The following GFI1B variants were observed in gnomAD, a reference collection of about 807,000 sequenced individuals.
The protein encoded by GFI1B is zinc finger protein Gfi-1b.
GFI1B carries 20 observed loss-of-function variants against 35.3 expected under a neutral mutation model. The observed-to-expected ratio is 0.57, with a 90% CI of 0.40 to 0.82. The LOEUF is 0.82. Ranked by LOEUF, GFI1B falls within the 40% of genes least tolerant of loss-of-function variation. The pLI, the probability that GFI1B is intolerant of heterozygous loss-of-function variation, is 0.00. For synonymous variants in GFI1B, 178 were observed against 177.6 expected, an observed-to-expected ratio of 1.00 and a Z score of -0.02; for missense variants, 430 against 446.3, an observed-to-expected ratio of 0.96 and a Z score of 0.33.
At chr9:132,967,278 G>T (rs1275884753) in intron 1 of GFI1B, among the ~76,000 whole-genome samples, 2 of 152,216 alleles carry the variant, frequency 1.3e-5, no homozygotes, top group Non-Finnish European at 2.9e-5. Flanking sequence ...AAGTGACCCA[G>T]TCTGTGGCAT....
chr9:132,949,719 C>G (rs998081213), intron 1 of GFI1B: 15 of 152,794 alleles, frequency 9.8e-5, no homozygotes, highest in African/African-American at 3.4e-4. Context: ...AGGAAGCCGG[C>G]ATGCCCAAAC....
intron 3 of GFI1B, among the ~76,000 whole-genome samples, 191 bp from the exon 4 acceptor site, chr9:132,988,006 G>A (rs1212100014): frequency 6.6e-6 from 1 of 152,062 alleles, no homozygotes; most frequent in East Asian, 1.9e-4. Context: ...CACCACGCCT[G>A]GCTAATTTTT....
intron 1 of GFI1B, chr9:132,962,405 C>T (rs2905079): frequency 0.56 from 168,429 of 298,752 alleles, 49,125 homozygotes; most frequent in African/African-American, 0.77. Context: ...TTCCAGAGTG[C>T]GGGATTACAA....
chr9:132,991,054 T>C lies in GFI1B; in HGVS notation c.*4T>C, dbSNP rs1390345939. 6 of 1,612,484 alleles carry C rather than the reference T, an allele frequency of 3.7e-6. No individual in the cohort carries two copies. The Admixed American group carries it at 1.0e-4, about 27-fold the overall frequency. On this transcript the variant is annotated 3_prime_UTR_variant, in exon 7 of 7. Coordinates refer to ENST00000372122, the MANE Select transcript of GFI1B (RefSeq NM_001377304.1). ...GAGCCAGCACAATCTCAAGTGAGGCTGCGCCGGCTCCCAGCTCCTGGCCAG... is the reference window on the plus strand; with the variant it reads ...GAGCCAGCACAATCTCAAGTGAGGCCGCGCCGGCTCCCAGCTCCTGGCCAG...
intron 1 of GFI1B, among the ~76,000 whole-genome samples, chr9:132,961,591 ATTTTTTTTT>A (rs1171494542): frequency 1.5e-5 from 2 of 135,180 alleles, no homozygotes; most frequent in Non-Finnish European, 3.2e-5. Context: ...AATACCTCTC[ATTTTTTTTT>A]TTTTTTTTTG....
intron 1 of GFI1B, among the ~76,000 whole-genome samples, chr9:132,971,381 G>A (rs532197732): frequency 1.3e-5 from 2 of 152,170 alleles, no homozygotes; most frequent in South Asian, 2.1e-4. Flanking sequence ...CAGCCATCTC[G>A]AGAAGTGGAT....
At chr9:132,965,992 A>T (rs1156659826) in intron 1 of GFI1B, among the ~76,000 whole-genome samples, 1 of 152,364 alleles carries the variant, frequency 6.6e-6, no homozygotes, top group East Asian at 1.9e-4. Context: ...CCTGGAACTT[A>T]AAATTAAATT....
intron 1 of GFI1B, among the ~76,000 whole-genome samples, chr9:132,983,467 T>A (rs113828733): frequency 0.011 from 1,718 of 152,220 alleles, 35 homozygotes; most frequent in African/African-American, 0.038. Flanking sequence ...AATGTTGGGA[T>A]TACAGGTGTG....
chr9:132,948,046 G>A lies in GFI1B; in HGVS notation c.-701+2377G>A, dbSNP rs142914154. Among the ~76,000 whole-genome samples the A allele has an allele frequency of 4.6e-3, 702 of 152,232 alleles. 7 individuals are homozygous for A. Among genetic ancestry groups the A allele is most frequent in the African/African-American group, 0.016 (667 of 41,528 alleles). ...TTGCGTGCCTATTAAGCTAGGTTAC[G>A]GTTCGTCCACAAGGACTCAAATATA... On this transcript the variant is annotated intron_variant, in intron 1 of 10. Transcript: ENST00000339463.
upstream of GFI1B, among the ~76,000 whole-genome samples, chr9:132,974,668 A>G (rs1330567224): frequency 6.6e-6 from 1 of 151,394 alleles, no homozygotes; most frequent in Non-Finnish European, 1.5e-5. Flanking sequence ...AATGCTAAGA[A>G]GAAAGGGGTG....
chr9:132,947,431 GAAAGAA>G (rs1333041098), intron 1 of GFI1B, among the ~76,000 whole-genome samples: 7 of 80,924 alleles, frequency 8.7e-5, no homozygotes, highest in Non-Finnish European at 1.7e-4. Context: ...AAAAAAAAAA[GAAAGAA>G]AAAGAGAATT....
At chr9:132,954,920 TG>T in intron 1 of GFI1B, among the ~76,000 whole-genome samples, 1 of 152,182 alleles carries the variant, frequency 6.6e-6, no homozygotes, top group Admixed American at 6.5e-5. Context: ...AGTTTCACTA[TG>T]TTGGCCAGGA....
chr9:132,956,303 AT>A (rs72102439), intron 1 of GFI1B, among the ~76,000 whole-genome samples: 14,009 of 149,752 alleles, frequency 0.094, 695 homozygotes, highest in African/African-American at 0.12. Flanking sequence ...TTTTGTTATT[AT>A]TTTTTTTTTG....
chr9:132,971,605 G>C (rs1179432099), intron 1 of GFI1B, among the ~76,000 whole-genome samples: 2 of 152,122 alleles, frequency 1.3e-5, no homozygotes, highest in Non-Finnish European at 2.9e-5. Flanking sequence ...ACAGGAAAAG[G>C]GAAGCAGGGA....
downstream of GFI1B, among the ~76,000 whole-genome samples, chr9:132,992,678 G>C (rs978359513): frequency 6.6e-6 from 1 of 152,090 alleles, no homozygotes; most frequent in Admixed American, 6.6e-5. Context: ...GGGTCATCCA[G>C]CCAGAAGGTC....
intron 1 of GFI1B, among the ~76,000 whole-genome samples, chr9:132,966,269 G>A (rs1848449179): frequency 6.6e-6 from 1 of 151,806 alleles, no homozygotes. Flanking sequence ...TGAGGTGGGA[G>A]AATCACTTGA....
chr9:132,983,754 C>G (rs1848920453), intron 1 of GFI1B, among the ~76,000 whole-genome samples: 1 of 152,236 alleles, frequency 6.6e-6, no homozygotes, highest in African/African-American at 2.4e-5. Flanking sequence ...AGCACGTCGG[C>G]TCCACTCCCT....
At chr9:132,983,259 T>C (rs1191468399) in intron 1 of GFI1B, among the ~76,000 whole-genome samples, 1 of 144,036 alleles carries the variant, frequency 6.9e-6, no homozygotes, top group Non-Finnish European at 1.5e-5. Flanking sequence ...AGTGGTGGTG[T>C]GATCTCGGCT....
intron 1 of GFI1B, among the ~76,000 whole-genome samples, chr9:132,963,098 A>T (rs1293459561): frequency 6.6e-6 from 1 of 151,660 alleles, no homozygotes; most frequent in East Asian, 1.9e-4. Flanking sequence ...AAAAAAAAAA[A>T]AAAAAAGGAA....
Sources: gnomAD v4.1 joint callset for allele counts (sites outside exome capture counted in the v4.1 genomes callset) on GRCh38, gnomAD v4.1.1 for gene constraint, MANE v1.5 for transcripts, NCBI Gene and HGNC (gene_info 2026-07-23, HGNC 2026-07-21) for gene names.